Variants in MTCL1 observed in about 807,000 individuals in gnomAD.
MTCL1 encodes the protein microtubule crosslinking factor 1, also known as microtubule cross-linking factor 1.
A neutral mutation model predicts 141.4 loss-of-function variants in MTCL1; 79 were observed. The observed-to-expected ratio is 0.56, with a 90% CI of 0.47 to 0.67. MTCL1 has a LOEUF of 0.67. Among genes scored for constraint, MTCL1 ranks in the 30% least tolerant of loss-of-function variants. MTCL1 has a pLI of 0.00. For synonymous variants in MTCL1, 914 were observed against 875.8 expected (o/e 1.04, Z -0.77); for missense variants, 2,177 against 2,113.9 (o/e 1.03, Z -0.59).
At chr18:8,793,763 G>GT (rs1327466410) in intron 8 of MTCL1, among the ~76,000 whole-genome samples, 1 of 152,172 alleles carries the variant, frequency 6.6e-6, no homozygotes, top group East Asian at 1.9e-4. Context: ...CTTCCCCCGT[G>GT]TATTTGTTCT....
exon 15 of MTCL1, chr18:8,825,292 T>C: frequency 6.5e-7 from 1 of 1,549,814 alleles, no homozygotes; most frequent in Non-Finnish European, 8.7e-7. Flanking sequence ...GATAGTCCCC[T>C]CTGTACCTCC....
At chr18:8,811,508 G>C (rs557890807) in intron 11 of MTCL1, among the ~76,000 whole-genome samples, 2 of 151,534 alleles carry the variant, frequency 1.3e-5, no homozygotes, top group East Asian at 3.9e-4. Context: ...GGTGGTTTAA[G>C]TCATTAATCT....
exon 15 of MTCL1, chr18:8,825,623 C>G (rs762531318): frequency 4.3e-6 from 7 of 1,613,876 alleles, no homozygotes; most frequent in Non-Finnish European, 5.9e-6. Flanking sequence ...GACAGGTGGC[C>G]CCTGCCATCG....
chr18:8,725,339 A>G (rs551138109), intron 4 of MTCL1, among the ~76,000 whole-genome samples: 5 of 152,286 alleles, frequency 3.3e-5, no homozygotes, highest in Admixed American at 2.0e-4. Context: ...TCTTTTGTGC[A>G]TAGTAAATCA....
At chr18:8,789,757 A>G (rs1391869454) in intron 7 of MTCL1, 1 of 960,174 alleles carries the variant, frequency 1.0e-6, no homozygotes, top group Non-Finnish European at 1.2e-6. Context: ...TTTTAGAATC[A>G]AACCTTTGGG....
chr18:8,735,584 TTTG>T (rs2096271037), intron 4 of MTCL1, among the ~76,000 whole-genome samples: 1 of 152,100 alleles, frequency 6.6e-6, no homozygotes, highest in Non-Finnish European at 1.5e-5. Flanking sequence ...TTCAGGGGAG[TTTG>T]CCAGCCTGGG....
upstream of MTCL1, among the ~76,000 whole-genome samples, chr18:8,715,222 C>T (rs2096121471): frequency 3.9e-5 from 6 of 152,180 alleles, 1 homozygote; most frequent in South Asian, 1.2e-3. Context: ...GTTTTCATAG[C>T]CTGTAACATC....
chr18:8,720,686 C>A (rs1470695371), intron 4 of MTCL1, among the ~76,000 whole-genome samples, 190 bp downstream of exon 3: 1 of 152,192 alleles, frequency 6.6e-6, no homozygotes. Flanking sequence ...ACAAGCAAAA[C>A]TCACAGGAAA....
At chr18:8,724,449 C>T (rs1242312163) in intron 4 of MTCL1, among the ~76,000 whole-genome samples, 1 of 152,054 alleles carries the variant, frequency 6.6e-6, no homozygotes, top group Non-Finnish European at 1.5e-5. Flanking sequence ...TTTCTTTCTC[C>T]ACTCTATCCG....
At chr18:8,809,300 A>G in intron 11 of MTCL1, 2 of 965,726 alleles carry the variant, frequency 2.1e-6, no homozygotes, top group South Asian at 1.7e-5. Flanking sequence ...ACGCATCTTT[A>G]TGGTCACTAA....
Position 8,830,946 on chromosome 18 carries a change from C to T in MTCL1, c.*19-661C>T. On this transcript the variant is annotated intron_variant, in intron 16 of 16. Coordinates refer to ENST00000359865, the Ensembl canonical transcript of MTCL1. This position sits in a 1 kb window ranked among gnomAD's most constrained non-coding sequence, Gnocchi z 6.4. ...TAGGATGCCTGAAACACAAAACCAC[C>T]AGTACATTCTGATTCTACCTTTTTA... The T allele has an allele frequency of 2.0e-6, 2 of 985,686 alleles. No homozygotes were observed. The highest frequency in any genetic ancestry group is 2.4e-6 in the Non-Finnish European group (2 of 830,142). 61.1% of individuals were successfully genotyped at this position (985,686 alleles called of 1,614,324 possible).
exon 15 of MTCL1, chr18:8,825,145 G>T (rs765134164): frequency 3.8e-6 from 6 of 1,585,224 alleles, no homozygotes; most frequent in Non-Finnish European, 5.2e-6. Flanking sequence ...GGTGGTGAGG[G>T]TCCCTTTCCC....
intron 1 of MTCL1, among the ~76,000 whole-genome samples, chr18:8,710,077 T>C (rs1344635699): frequency 6.6e-6 from 1 of 152,174 alleles, no homozygotes; most frequent in African/African-American, 2.4e-5. Context: ...TGACTTCAGG[T>C]GATCTGCCCG....
intron 15 of MTCL1, among the ~76,000 whole-genome samples, chr18:8,827,167 C>G (rs1460409886): frequency 6.6e-6 from 1 of 152,224 alleles, no homozygotes; most frequent in African/African-American, 2.4e-5. Context: ...CCGCAGATGG[C>G]GGGGGTCAGA....
At chr18:8,785,941 A>G (rs1480696322) in exon 7 of MTCL1, 1 of 1,600,028 alleles carries the variant, frequency 6.2e-7, no homozygotes, top group East Asian at 2.2e-5. Context: ...AACAGTCCAG[A>G]CTGAAAGAGC....
At chr18:8,792,933 C>T (rs1040927357) in intron 7 of MTCL1, 65 bp from the exon 7 acceptor site, 1 of 1,594,114 alleles carries the variant, frequency 6.3e-7, no homozygotes, top group African/African-American at 1.3e-5. Context: ...GATGTCTGTC[C>T]TGCGTCGTCA....
At position 8,825,694 on chromosome 18, in the gene MTCL1, T is replaced by C. The variant is rs201454813; in HGVS notation, c.4184T>C (p.Leu1395Pro). The stretch of plus-strand genomic sequence containing the variant: ...TCCCCCAAGTATGGTTCTCCCAAGC[T>C]GCAGAGGAAGCCCCTCCCCAAAGCC... Residue 1395 changes from leucine to proline, a missense_variant, in exon 15 of 17, where the codon CTG becomes CCG. Transcript: ENST00000359865. 3.1e-6 allele frequency: 5 copies of C among 1,613,818 alleles called. No homozygotes were observed. Among genetic ancestry groups the C allele is most frequent in the East Asian group, 2.2e-5 (1 of 44,876 alleles).
At chr18:8,824,753 C>A (rs767864602) in exon 15 of MTCL1, 1 of 1,614,124 alleles carries the variant, frequency 6.2e-7, no homozygotes, top group Admixed American at 1.7e-5. Context: ...ACATCTCCCC[C>A]TTCCTGCCTG....
intron 7 of MTCL1, among the ~76,000 whole-genome samples, chr18:8,787,935 G>T (rs1327000536): frequency 6.6e-6 from 1 of 152,222 alleles, no homozygotes; most frequent in African/African-American, 2.4e-5. Flanking sequence ...TCCCTGGTGT[G>T]AATGTCACTC....
Sources: allele counts gnomAD v4.1 joint callset (sites outside exome capture counted in the v4.1 genomes callset), GRCh38; gene constraint gnomAD v4.1.1; non-coding constraint Gnocchi (gnomAD v3.1); transcripts MANE v1.5; gene names NCBI Gene and HGNC (gene_info 2026-07-23, HGNC 2026-07-21).